Variants in DCAF5 observed in about 807,000 individuals in gnomAD.
The protein encoded by DCAF5 is DDB1 and CUL4 associated factor 5, also known as DDB1- and CUL4-associated factor 5.
A neutral mutation model predicts 80.7 loss-of-function variants in DCAF5; 9 were observed. The ratio of observed to expected loss-of-function variants is 0.11; its 90% CI spans 0.07 to 0.19. DCAF5 has a LOEUF of 0.19. Among genes scored for constraint, DCAF5 ranks in the 10% least tolerant of loss-of-function variants. The pLI, the probability that DCAF5 is intolerant of heterozygous loss-of-function variation, is 1.00. For missense variants in DCAF5, 842 were observed against 1,205.7 expected, an observed-to-expected ratio of 0.70 and a Z score of 4.47; for synonymous variants, 433 against 461.9, an observed-to-expected ratio of 0.94 and a Z score of 0.80.
chr14:69,074,495 T>A (rs1450018294), intron 7 of DCAF5, among the ~76,000 whole-genome samples: 1 of 152,208 alleles, frequency 6.6e-6, no homozygotes, highest in East Asian at 1.9e-4. Flanking sequence ...TTATGGAAAG[T>A]TGCAGCCTTT....
In DCAF5 at chr14:69,051,915, T is replaced by C. The variant is rs1449836707; in HGVS notation, c.*1942A>G. ...ATTTAATACATTTTGGAAAAGCAAATGTAAAATGACTTGGGCTTATAAAAC... is the reference window on the plus strand; with the variant it reads ...ATTTAATACATTTTGGAAAAGCAAACGTAAAATGACTTGGGCTTATAAAAC... On this transcript the variant is annotated 3_prime_UTR_variant, in exon 9 of 9. Transcript: ENST00000341516. 1 of 152,592 alleles carries C rather than the reference T, an allele frequency of 6.6e-6. No individual in the cohort carries two copies. Among genetic ancestry groups the C allele is most frequent in the African/African-American group, 2.4e-5 (1 of 41,428 alleles). 9.5% of individuals were successfully genotyped at this position (152,592 alleles called of 1,614,324 possible). A position where few individuals can be genotyped will look rare whatever the true frequency, so the allele number is the denominator to read the frequency against.
At chr14:69,129,768 C>CA (rs2040985960) in intron 1 of DCAF5, among the ~76,000 whole-genome samples, 1 of 152,186 alleles carries the variant, frequency 6.6e-6, no homozygotes, top group African/African-American at 2.4e-5. Flanking sequence ...AGGTGGAGCA[C>CA]AGGGACTTCT....
At chr14:69,098,063 A>G (rs953300129) in intron 5 of DCAF5, among the ~76,000 whole-genome samples, 1 of 152,122 alleles carries the variant, frequency 6.6e-6, no homozygotes, top group African/African-American at 2.4e-5. Context: ...AGTAAAAACC[A>G]AATTCCTTAT....
chr14:69,063,467 G>A (rs2038309321), intron 7 of DCAF5, among the ~76,000 whole-genome samples: 1 of 152,176 alleles, frequency 6.6e-6, no homozygotes, highest in African/African-American at 2.4e-5. Flanking sequence ...CTGGCAAAAT[G>A]TGTTGCATCC....
intron 6 of DCAF5, among the ~76,000 whole-genome samples, chr14:69,081,632 A>T (rs546616000): frequency 1.2e-4 from 18 of 152,302 alleles, no homozygotes; most frequent in Admixed American, 7.2e-4. Context: ...AATAGATTTC[A>T]GGAAGGAACC....
intron 6 of DCAF5, among the ~76,000 whole-genome samples, chr14:69,076,550 G>A (rs192434441): frequency 2.0e-5 from 3 of 152,206 alleles, no homozygotes; most frequent in African/African-American, 7.2e-5. Flanking sequence ...GACAGATATT[G>A]TATGACTCCA....
chr14:69,141,599 G>A (rs937549891), intron 1 of DCAF5, among the ~76,000 whole-genome samples: 2 of 152,148 alleles, frequency 1.3e-5, no homozygotes, highest in Non-Finnish European at 2.9e-5. Context: ...ATTACACTGG[G>A]ACAATGGGAG....
Position 69,108,804 on chromosome 14 carries a change from G to A in DCAF5, c.665+7562C>T, listed in dbSNP as rs1315184610. ...CTTAATAACCAGAAGGCATGCCCCC[G>A]ACTAAAGCTAATCATTGTGACGAGC... is the stretch of plus-strand genomic sequence containing the variant. On this transcript the variant is annotated intron_variant, in intron 5 of 8. Transcript: ENST00000341516. 2.6e-5 allele frequency among the ~76,000 whole-genome samples: 4 copies of A among 152,196 alleles called. No individual in the cohort carries two copies. In the East Asian group the frequency reaches 5.8e-4, roughly 22 times the overall value.
intron 6 of DCAF5, among the ~76,000 whole-genome samples, chr14:69,088,479 A>C (rs2139957044): frequency 6.6e-6 from 1 of 152,324 alleles, no homozygotes; most frequent in Middle Eastern, 3.4e-3. Context: ...TTGAAATGTT[A>C]ATTTTATTTT....
intron 7 of DCAF5, among the ~76,000 whole-genome samples, chr14:69,069,531 C>G (rs565422060): frequency 1.3e-5 from 2 of 152,312 alleles, no homozygotes; most frequent in African/African-American, 4.8e-5. Context: ...AATTCCTGGG[C>G]TCAAGCAATA....
rs570773883 is a variant in DCAF5 at position 69,060,644 on chromosome 14, G to A, written c.1074+1740C>T. 1.9e-4 allele frequency among the ~76,000 whole-genome samples: 29 copies of A among 152,034 alleles called. No homozygotes were observed. In the South Asian group the frequency reaches 5.8e-3, roughly 30 times the overall value. The stretch of plus-strand genomic sequence containing the variant: ...CGTCCTGGGTTCAAGTGATCCTCCT[G>A]CCTCAGCCTCCTGAGTAGCTGAGAC... On this transcript the variant is annotated intron_variant, in intron 8 of 8. Transcript: ENST00000341516.
intron 5 of DCAF5, among the ~76,000 whole-genome samples, chr14:69,095,090 A>G (rs534743640): frequency 6.6e-6 from 1 of 152,288 alleles, no homozygotes; most frequent in Admixed American, 6.5e-5. Context: ...TCTTCAGATC[A>G]GAGTTATACT....
intron 1 of DCAF5, among the ~76,000 whole-genome samples, chr14:69,123,914 G>C (rs148214859): frequency 1.1e-3 from 168 of 152,204 alleles, no homozygotes; most frequent in African/African-American, 3.9e-3. Flanking sequence ...TGGCCAGGCT[G>C]GTCTCAAACT....
chr14:69,135,436 T>C (rs1363708683), intron 1 of DCAF5, among the ~76,000 whole-genome samples: 1 of 152,166 alleles, frequency 6.6e-6, no homozygotes, highest in Admixed American at 6.5e-5. Flanking sequence ...AAAGTACACA[T>C]AAAACACTTC....
intron 1 of DCAF5, among the ~76,000 whole-genome samples, chr14:69,138,208 C>T (rs2041252745): frequency 6.6e-6 from 1 of 151,838 alleles, no homozygotes. Flanking sequence ...CAAGATACAA[C>T]TGGAATTTAG....
At chr14:69,092,470 T>C (rs1263726773) in intron 5 of DCAF5, among the ~76,000 whole-genome samples, 1 of 152,006 alleles carries the variant, frequency 6.6e-6, no homozygotes, top group African/African-American at 2.4e-5. Flanking sequence ...ATTAAAAAAT[T>C]AGCCAGGCAT....
chr14:69,072,009 C>T lies in DCAF5; in HGVS notation c.946+3336G>A, dbSNP rs573889187. 2.6e-5 allele frequency among the ~76,000 whole-genome samples: 4 copies of T among 152,216 alleles called. No individual in the cohort carries two copies. The South Asian group carries it at 8.3e-4, about 32-fold the overall frequency. The stretch of plus-strand genomic sequence containing the variant: ...TCTGGGGGTTGCCAATTGACATTGA[C>T]CCAAAGAGGTTTTAGATTGGCAATA... On this transcript the variant is annotated intron_variant, in intron 7 of 8. Coordinates refer to ENST00000341516, the MANE Select transcript of DCAF5 (RefSeq NM_003861.3).
intron 6 of DCAF5, among the ~76,000 whole-genome samples, chr14:69,087,478 T>TA (rs562617535): frequency 1.1e-4 from 16 of 152,132 alleles, no homozygotes; most frequent in Non-Finnish European, 2.1e-4. Context: ...ACAAAAAAAG[T>TA]AAAAAAGTGT....
chr14:69,116,334 A>T, intron 5 of DCAF5, 32 bp downstream of exon 5: 1 of 1,590,034 alleles, frequency 6.3e-7, no homozygotes. Flanking sequence ...GGCAGAGGAA[A>T]GTTTTAACAC....
Sources: gnomAD v4.1 joint callset for allele counts (sites outside exome capture counted in the v4.1 genomes callset) on GRCh38, gnomAD v4.1.1 for gene constraint, MANE v1.5 for transcripts, NCBI Gene and HGNC (gene_info 2026-07-23, HGNC 2026-07-21) for gene names.